Variants in WTAP observed in about 807,000 individuals in gnomAD.
The protein encoded by WTAP is pre-mRNA-splicing regulator WTAP.
In WTAP, 8 loss-of-function variants were observed where a neutral mutation model predicts 50.0. The ratio of observed to expected loss-of-function variants is 0.16; its 90% confidence interval spans 0.09 to 0.29. The LOEUF is 0.29. Among genes scored for constraint, WTAP ranks in the 10% least tolerant of loss-of-function variants. WTAP has a pLI of 1.00. For missense variants in WTAP, 295 were observed against 470.7 expected (o/e 0.63, Z 3.45); for synonymous variants, 194 against 169.0 (o/e 1.15, Z -1.15).
intron 5 of WTAP, among the ~76,000 whole-genome samples, chr6:159,746,682 G>A (rs763368474): frequency 1.7e-4 from 26 of 152,016 alleles, no homozygotes; most frequent in Non-Finnish European, 2.6e-4. Context: ...TTATTTTGTT[G>A]GTAAGTAAAA....
At chr6:159,728,447 A>G (rs952255145) in intron 1 of WTAP, among the ~76,000 whole-genome samples, 1 of 152,218 alleles carries the variant, frequency 6.6e-6, no homozygotes, top group Admixed American at 6.5e-5. Context: ...ACTATTATTT[A>G]GTCTGGTAGG....
At chr6:159,737,234 A>T (rs368867976) in intron 2 of WTAP, among the ~76,000 whole-genome samples, 1 of 152,262 alleles carries the variant, frequency 6.6e-6, no homozygotes, top group East Asian at 1.9e-4. Flanking sequence ...TTTCTTGTAG[A>T]GATGGGGTTT....
chr6:159,734,229 G>A (rs1425780274), intron 1 of WTAP, among the ~76,000 whole-genome samples: 4 of 151,808 alleles, frequency 2.6e-5, no homozygotes, highest in African/African-American at 9.7e-5. Flanking sequence ...GCCCGGGCTC[G>A]GTTCAAACTC....
chr6:159,742,626 C>G (rs373058703), intron 4 of WTAP, among the ~76,000 whole-genome samples: 1 of 152,104 alleles, frequency 6.6e-6, no homozygotes, highest in African/African-American at 2.4e-5. Flanking sequence ...ATTTTAGTCT[C>G]ACTTTTTACT....
In WTAP at chr6:159,755,764, T is replaced by TG; in HGVS notation, c.*153_*154insG. ...TTTTTTCTTTGTTTTTTTTTTCTTT[T>TG]CTTTTTTTTTTTTTTTTTTTTTTTT... On this transcript the variant is annotated 3_prime_UTR_variant, in exon 8 of 8. Coordinates refer to ENST00000621533, the MANE Select transcript of WTAP (RefSeq NM_001270531.2). 1.5e-6 allele frequency: 1 copy of TG among 674,942 alleles called. No homozygotes were observed. Among genetic ancestry groups the TG allele is most frequent in the Non-Finnish European group, 1.9e-6 (1 of 521,402 alleles). The allele number at this position is 674,942 out of a possible 1,614,324, so 41.8% of individuals were successfully genotyped here.
chr6:159,751,430 G>C (rs1279126227), intron 6 of WTAP, among the ~76,000 whole-genome samples: 1 of 152,232 alleles, frequency 6.6e-6, no homozygotes, highest in Non-Finnish European at 1.5e-5. Flanking sequence ...CAAGAAGACA[G>C]TTTTGAGAGC....
At chr6:159,753,172 A>T (rs7747055) in intron 6 of WTAP, among the ~76,000 whole-genome samples, 1 of 152,230 alleles carries the variant, frequency 6.6e-6, no homozygotes, top group Non-Finnish European at 1.5e-5. Flanking sequence ...ATTTCAAATG[A>T]TAATTTGAGA....
At chr6:159,749,079 A>G (rs1248305538) in intron 6 of WTAP, 1 of 988,086 alleles carries the variant, frequency 1.0e-6, no homozygotes, top group East Asian at 1.1e-4. Flanking sequence ...AGCCTTAATC[A>G]ATGTGGTTTT....
At chr6:159,742,422 T>C (rs560455130) in intron 4 of WTAP, among the ~76,000 whole-genome samples, 1 of 152,310 alleles carries the variant, frequency 6.6e-6, no homozygotes, top group African/African-American at 2.4e-5. Context: ...TCAGAACTAC[T>C]TGAAACTTTT....
chr6:159,727,505 C>T (rs988329870), upstream of WTAP: 47 of 992,866 alleles, frequency 4.7e-5, 1 homozygote, highest in South Asian at 9.7e-4. Flanking sequence ...GGCCTGGTTT[C>T]CTCCCTCAGC....
intron 3 of WTAP, 137 bp from the exon 4 acceptor site, chr6:159,741,950 TA>T (rs1158837844): frequency 2.7e-5 from 18 of 662,086 alleles, no homozygotes; most frequent in Non-Finnish European, 3.8e-5. Flanking sequence ...AGACTCTGTC[TA>T]AAAAAAACTA....
At position 159,727,661 on chromosome 6, in the gene WTAP, G is replaced by C; in HGVS notation, c.-51G>C. ...CGGCAGGGCAAGCAGCGCGGCCTCG[G>C]CCTATGCGACCGGTGGCGCCGGCGC... On this transcript the variant is annotated 5_prime_UTR_variant, in exon 1 of 8. Transcript: ENST00000621533. The C allele has an allele frequency of 1.0e-6, 1 of 985,308 alleles. No individual in the cohort carries two copies. The highest frequency in any genetic ancestry group is 1.2e-6 in the Non-Finnish European group (1 of 830,248). The allele number at this position is 985,308 out of a possible 1,614,324, so 61.0% of individuals were successfully genotyped here. A position where few individuals can be genotyped will look rare whatever the true frequency, so the allele number is the denominator to read the frequency against.
At chr6:159,728,438 CTAT>C (rs1180517100) in intron 1 of WTAP, among the ~76,000 whole-genome samples, 8 of 149,552 alleles carry the variant, frequency 5.3e-5, no homozygotes, top group South Asian at 2.1e-4. Flanking sequence ...AACAAAAAAA[CTAT>C]TATTTAGTCT....
chr6:159,734,343 CT>C (rs1300071017), intron 1 of WTAP, among the ~76,000 whole-genome samples: 3 of 148,012 alleles, frequency 2.0e-5, no homozygotes, highest in Admixed American at 6.8e-5. Flanking sequence ...TGCCACAGCA[CT>C]CCAGCCTGGC....
At chr6:159,752,911 A>T (rs1024576831) in intron 6 of WTAP, among the ~76,000 whole-genome samples, 2 of 152,154 alleles carry the variant, frequency 1.3e-5, no homozygotes, top group Admixed American at 6.5e-5. Context: ...TTTTTAAAAA[A>T]TTTTTTGTAG....
chr6:159,743,527 A>AT, intron 4 of WTAP, 138 bp from the exon 5 acceptor site: 1 of 772,530 alleles, frequency 1.3e-6, no homozygotes, highest in South Asian at 2.3e-5. Context: ...CCAGGAAGAA[A>AT]TTCGCCTGTT....
chr6:159,736,187 C>A, intron 1 of WTAP, 71 bp from the exon 2 acceptor site: 1 of 1,400,960 alleles, frequency 7.1e-7, no homozygotes, highest in Non-Finnish European at 9.9e-7. Context: ...TTGAAAGAGT[C>A]AGTATTTTTT....
intron 5 of WTAP, among the ~76,000 whole-genome samples, chr6:159,745,604 T>A (rs183440208): frequency 3.6e-4 from 54 of 152,028 alleles, no homozygotes; most frequent in Non-Finnish European, 5.9e-5. Flanking sequence ...AAGTTTCAGG[T>A]GAGAGTGAAA....
intron 1 of WTAP, among the ~76,000 whole-genome samples, chr6:159,728,129 C>T (rs1020092519): frequency 2.0e-5 from 3 of 152,364 alleles, no homozygotes; most frequent in African/African-American, 4.8e-5. Context: ...CATTTCATGT[C>T]ACGCAGTAGG....
Sources: gnomAD v4.1 joint callset for allele counts (sites outside exome capture counted in the v4.1 genomes callset) on GRCh38, gnomAD v4.1.1 for gene constraint, MANE v1.5 for transcripts, NCBI Gene and HGNC (gene_info 2026-07-23, HGNC 2026-07-21) for gene names.